Variants in RANBP10 observed in about 807,000 individuals in gnomAD.
The protein encoded by RANBP10 is RAN binding protein 10.
RANBP10 carries 24 observed loss-of-function variants against 72.8 expected under a neutral mutation model. That is an observed-to-expected ratio of 0.33 (90% CI 0.24 to 0.46). The LOEUF (loss-of-function observed/expected upper bound fraction) is 0.46. Ranked by LOEUF, RANBP10 falls within the 20% of genes least tolerant of loss-of-function variation. RANBP10 has a pLI of 1.00. For synonymous variants in RANBP10, 310 were observed against 322.3 expected, an observed-to-expected ratio of 0.96 and a Z score of 0.41; for missense variants, 679 against 817.5, an observed-to-expected ratio of 0.83 and a Z score of 2.07.
chr16:67,728,727 C>T (rs2053660702), intron 10 of RANBP10: 2 of 803,014 alleles, frequency 2.5e-6, no homozygotes, highest in African/African-American at 1.7e-5. Flanking sequence ...CCACCCTTGC[C>T]CCAGTGCTGC....
intron 2 of RANBP10, among the ~76,000 whole-genome samples, chr16:67,793,308 ATTTT>A (rs752769973): frequency 2.8e-4 from 37 of 131,508 alleles, no homozygotes; most frequent in Admixed American, 1.5e-4. Context: ...CTGGCTTGTA[ATTTT>A]TTTTTTTTTT....
At chr16:67,765,861 A>G (rs1217591224) in intron 3 of RANBP10, among the ~76,000 whole-genome samples, 3 of 151,906 alleles carry the variant, frequency 2.0e-5, no homozygotes, top group African/African-American at 7.3e-5. Flanking sequence ...ATAAATAAAT[A>G]AATAAGTCAG....
chr16:67,735,459 A>T (rs2053824785), intron 5 of RANBP10, among the ~76,000 whole-genome samples: 2 of 152,208 alleles, frequency 1.3e-5, no homozygotes. Flanking sequence ...TCTCAAAAAA[A>T]ATAAGACACA....
intron 2 of RANBP10, among the ~76,000 whole-genome samples, chr16:67,798,189 C>T (rs1007417244): frequency 4.6e-5 from 7 of 151,906 alleles, no homozygotes; most frequent in African/African-American, 1.7e-4. Context: ...CCATCAACTC[C>T]GGGGGGCAGT....
intron 2 of RANBP10, among the ~76,000 whole-genome samples, chr16:67,799,556 G>A (rs2055198417): frequency 6.6e-6 from 1 of 152,104 alleles, no homozygotes; most frequent in African/African-American, 2.4e-5. Flanking sequence ...CAAAGTGCCG[G>A]GAATACAGGT....
rs2053567912 is a variant in RANBP10 at position 67,724,298 on chromosome 16, G to C, written c.*2130C>G. On this transcript the variant is annotated 3_prime_UTR_variant, in exon 14 of 14. Transcript: ENST00000317506. ...GCCCAACCCACAGGGATAAGGGATA[G>C]TCCCGGCTCTGCTACTAATTTGCTA... 1 of 152,218 alleles carries C rather than the reference G, an allele frequency of 6.6e-6. No individual in the cohort carries two copies. Among genetic ancestry groups the C allele is most frequent in the Non-Finnish European group, 1.5e-5 (1 of 68,032 alleles). 9.4% of individuals were successfully genotyped at this position (152,218 alleles called of 1,614,324 possible). A position where few individuals can be genotyped will look rare whatever the true frequency, so the allele number is the denominator to read the frequency against.
chr16:67,755,683 C>CAAAAAAAAAAAAAAAAAA (rs58929828), intron 3 of RANBP10, among the ~76,000 whole-genome samples: 1 of 54,370 alleles, frequency 1.8e-5, no homozygotes. Flanking sequence ...GACTCTGCCT[C>CAAAAAAAAAAAAAAAAAA]AAAAAAAAAA....
chr16:67,755,061 AG>A (rs984879461), intron 3 of RANBP10, among the ~76,000 whole-genome samples: 4 of 152,096 alleles, frequency 2.6e-5, no homozygotes, highest in African/African-American at 4.8e-5. Context: ...GGGAGCACCA[AG>A]CAGGTACTTG....
In RANBP10 at chr16:67,798,101, C is replaced by T. The variant is rs138490665; in HGVS notation, c.347+7327G>A. ...CCTACCCTGTGTTCCAGAACCCAAACATTCCATGTCTCCACAAATAGCACA... is the reference window on the plus strand; with the variant it reads ...CCTACCCTGTGTTCCAGAACCCAAATATTCCATGTCTCCACAAATAGCACA... On this transcript the variant is annotated intron_variant, in intron 2 of 13. Coordinates refer to ENST00000317506, the MANE Select transcript of RANBP10 (RefSeq NM_020850.3). 8.1e-3 allele frequency among the ~76,000 whole-genome samples: 1,222 copies of T among 151,302 alleles called. 6 individuals are homozygous for T. Among genetic ancestry groups the T allele is most frequent in the African/African-American group, 0.021 (870 of 41,252 alleles).
At position 67,772,211 on chromosome 16, in the gene RANBP10, A is replaced by G. The variant is rs188713511; in HGVS notation, c.348-125T>C. The G allele has an allele frequency of 1.8e-5, 18 of 983,206 alleles. No homozygotes were observed. The East Asian group carries it at 3.3e-4, about 18-fold the overall frequency. 60.9% of individuals were successfully genotyped at this position (983,206 alleles called of 1,614,324 possible). A position where few individuals can be genotyped will look rare whatever the true frequency, so the allele number is the denominator to read the frequency against. Reference sequence around the variant, plus strand: ...AAAAGCAATGAATGTAGAGGCTCTTATAACATACTAATGGTTCTTGGAGAA... The same window carrying G: ...AAAAGCAATGAATGTAGAGGCTCTTGTAACATACTAATGGTTCTTGGAGAA... On this transcript the variant is annotated intron_variant, in intron 2 of 13. Coordinates refer to ENST00000317506, the MANE Select transcript of RANBP10 (RefSeq NM_020850.3).
chr16:67,742,322 A>G (rs2053985159), intron 4 of RANBP10, among the ~76,000 whole-genome samples: 1 of 152,206 alleles, frequency 6.6e-6, no homozygotes, highest in Non-Finnish European at 1.5e-5. Context: ...TAACTTCATG[A>G]AAACATAAAC....
intron 2 of RANBP10, among the ~76,000 whole-genome samples, chr16:67,776,742 A>T (rs2054712979): frequency 6.6e-6 from 1 of 151,120 alleles, no homozygotes; most frequent in Admixed American, 6.6e-5. Context: ...ACTGCACTCC[A>T]GCCTGGGTGA....
Position 67,806,336 on chromosome 16 carries a change from A to G in RANBP10, c.201T>C (p.Gly67=). 1.2e-6 allele frequency: 2 copies of G among 1,613,500 alleles called. No individual in the cohort carries two copies. The highest frequency in any genetic ancestry group is 1.7e-6 in the Non-Finnish European group (2 of 1,179,740). ...WSPKDKYNYI[G]LSQGNLRVHY... ...GGACGCGGAGGTTGCCCTGGGAGAG[A>G]CCAATGTAGTTGTATTTGTCCTTGG... The change falls in exon 1 of 14, where the codon GGT becomes GGC. Residue 67 remains glycine (G), a synonymous_variant. Transcript: ENST00000317506.
chr16:67,729,637 C>T lies in RANBP10; in HGVS notation c.1147+43G>A. 1.3e-6 allele frequency: 2 copies of T among 1,579,594 alleles called. No homozygotes were observed. The highest frequency in any genetic ancestry group is 1.7e-6 in the Non-Finnish European group (2 of 1,163,026). ...AAGGGTATGTGGAGTGGCCTCTCTC[C>T]TCCACACCAGTTCTTCCCAGAGCCC... is the stretch of plus-strand genomic sequence containing the variant. On this transcript the variant is annotated intron_variant, in intron 9 of 13. Transcript: ENST00000317506. This position sits in a 1 kb window ranked among gnomAD's most constrained non-coding sequence, Gnocchi z 7.1.
At chr16:67,794,930 T>TAAAAAAAAAAAA (rs1239858200) in intron 2 of RANBP10, among the ~76,000 whole-genome samples, 5 of 54,250 alleles carry the variant, frequency 9.2e-5, no homozygotes, top group Non-Finnish European at 2.1e-4. Context: ...TGCCTCAAAT[T>TAAAAAAAAAAAA]AAAAAAAAAA....
At chr16:67,795,000 A>G (rs1009811720) in intron 2 of RANBP10, among the ~76,000 whole-genome samples, 12 of 151,248 alleles carry the variant, frequency 7.9e-5, no homozygotes, top group African/African-American at 2.9e-4. Context: ...CACACCTGTA[A>G]TCCCAGTACT....
chr16:67,801,960 T>C (rs1356397282), intron 2 of RANBP10, among the ~76,000 whole-genome samples: 1 of 151,998 alleles, frequency 6.6e-6, no homozygotes, highest in Non-Finnish European at 1.5e-5. Flanking sequence ...CCAAGCATGA[T>C]GGCACACACC....
At chr16:67,754,181 C>G (rs897860703) in intron 3 of RANBP10, among the ~76,000 whole-genome samples, 1 of 150,730 alleles carries the variant, frequency 6.6e-6, no homozygotes, top group Non-Finnish European at 1.5e-5. Context: ...AAGGAACAGG[C>G]CCTTCGGAAG....
intron 2 of RANBP10, among the ~76,000 whole-genome samples, chr16:67,801,976 T>A (rs1597930292): frequency 6.6e-6 from 1 of 151,338 alleles, no homozygotes; most frequent in Non-Finnish European, 1.5e-5. Flanking sequence ...ACACCTATAG[T>A]CCCAGCTACT....
Sources: gnomAD v4.1 joint callset for allele counts (sites outside exome capture counted in the v4.1 genomes callset) on GRCh38, gnomAD v4.1.1 for gene constraint, Gnocchi (gnomAD v3.1) non-coding constraint, MANE v1.5 for transcripts, NCBI Gene and HGNC (gene_info 2026-07-23, HGNC 2026-07-21) for gene names.